MAP9: variants seen among roughly 807,000 people sequenced by gnomAD.
The protein encoded by MAP9 is microtubule associated protein 9.
A neutral mutation model predicts 75.2 loss-of-function variants in MAP9; 80 were observed. The observed-to-expected ratio is 1.06, with a 90% CI of 0.89 to 1.28. MAP9 has a LOEUF of 1.28. Among genes scored for constraint, MAP9 ranks in the 50% most tolerant of loss-of-function variants. MAP9 has a pLI of 0.00. For missense variants in MAP9, 753 were observed against 719.9 expected (o/e 1.05, Z -0.53); for synonymous variants, 235 against 237.3 (o/e 0.99, Z 0.09).
chr4:155,347,727 C>A lies in MAP9; in HGVS notation c.*56G>T, dbSNP rs1461415637. The A allele has an allele frequency of 1.3e-6, 2 of 1,495,976 alleles. No individual in the cohort carries two copies. Among genetic ancestry groups the A allele is most frequent in the East Asian group, 4.7e-5 (2 of 42,880 alleles). The allele number at this position is 1,495,976 out of a possible 1,614,324, so 92.7% of individuals were successfully genotyped here. The stretch of plus-strand genomic sequence containing the variant: ...TATAAATAATTGAATGGTTTTAAAT[C>A]TATGGCTAATATTGGCAAACCGATA... On this transcript the variant is annotated 3_prime_UTR_variant, in exon 14 of 14. Transcript: ENST00000311277.
Position 155,360,446 on chromosome 4 carries a change from C to T in MAP9, c.803-31G>A, listed in dbSNP as rs1405135564. On this transcript the variant is annotated intron_variant, in intron 6 of 13. Coordinates refer to ENST00000311277, the MANE Select transcript of MAP9 (RefSeq NM_001039580.2). ...TTGAGACAGAGTAATAGCATTAAAA[C>T]CCCCTTCTGAATTAATAAGGTAAAT... The T allele has an allele frequency of 4.4e-6, 7 of 1,581,452 alleles. No homozygotes were observed. The Admixed American group carries it at 8.6e-5, about 20-fold the overall frequency.
intron 13 of MAP9, among the ~76,000 whole-genome samples, chr4:155,348,493 A>G (rs1178533992): frequency 2.6e-5 from 4 of 152,176 alleles, no homozygotes; most frequent in Non-Finnish European, 5.9e-5. Context: ...TTATAACTCA[A>G]ATATAGTAAC....
chr4:155,357,132 C>T lies in MAP9; in HGVS notation c.1121+317G>A, dbSNP rs115871977. 8.7e-3 allele frequency: 2,227 copies of T among 256,104 alleles called. 49 individuals are homozygous for T. Among genetic ancestry groups the T allele is most frequent in the African/African-American group, 0.048 (2,067 of 43,160 alleles). The allele number at this position is 256,104 out of a possible 1,614,324, so 15.9% of individuals were successfully genotyped here. The stretch of plus-strand genomic sequence containing the variant: ...GCTCTATTCCAGAAGCAGTCTGGAG[C>T]ACAAAGAATCCCTAATCACTGACAT... On this transcript the variant is annotated intron_variant, in intron 8 of 13. Transcript: ENST00000311277.
intron 3 of MAP9, among the ~76,000 whole-genome samples, chr4:155,374,468 A>C (rs1732747452): frequency 6.6e-6 from 1 of 152,234 alleles, no homozygotes; most frequent in African/African-American, 2.4e-5. Flanking sequence ...ATGAAACACG[A>C]AGAGTCTGTG....
rs1341101557 is a variant in MAP9 at position 155,343,592 on chromosome 4, A to C, written c.*4191T>G. ...TATTTTATCCTTAGCCCACAAATAA[A>C]ACTCACACCACATTTCCTAACACTA... On this transcript the variant is annotated 3_prime_UTR_variant, in exon 14 of 14. Coordinates refer to ENST00000311277, the MANE Select transcript of MAP9 (RefSeq NM_001039580.2). 1 of 151,852 alleles carries C rather than the reference A, an allele frequency of 6.6e-6. No individual in the cohort carries two copies. Among genetic ancestry groups the C allele is most frequent in the Non-Finnish European group, 1.5e-5 (1 of 67,812 alleles). 9.4% of individuals were successfully genotyped at this position (151,852 alleles called of 1,614,324 possible). A position where few individuals can be genotyped will look rare whatever the true frequency, so the allele number is the denominator to read the frequency against.
At chr4:155,359,996 A>G (rs1053308964) in intron 7 of MAP9, among the ~76,000 whole-genome samples, 172 bp downstream of exon 7, 1 of 152,088 alleles carries the variant, frequency 6.6e-6, no homozygotes, top group African/African-American at 2.4e-5. Context: ...AACTTTCCTT[A>G]AAGTTAAATT....
intron 4 of MAP9, 53 bp from the exon 5 acceptor site, chr4:155,368,865 T>C: frequency 1.4e-6 from 2 of 1,441,322 alleles, no homozygotes; most frequent in East Asian, 2.3e-5. Context: ...CATGGCTTTA[T>C]CTATCTCTCT....
chr4:155,348,288 G>A (rs958459754), intron 13 of MAP9, among the ~76,000 whole-genome samples: 1 of 152,034 alleles, frequency 6.6e-6, no homozygotes, highest in African/African-American at 2.4e-5. Flanking sequence ...AGTGAGCCGA[G>A]ATTGCACCAC....
chr4:155,350,087 T>C lies in MAP9; in HGVS notation c.1822-2182A>G, dbSNP rs1187804180. ...ATTGGCAAGAAAAATATTTTAGTCT[T>C]ACCTGATCTTTGGCTATTAACTTTC... On this transcript the variant is annotated intron_variant, in intron 13 of 13. Coordinates refer to ENST00000311277, the MANE Select transcript of MAP9 (RefSeq NM_001039580.2). 2.3e-5 allele frequency: 6 copies of C among 265,934 alleles called. No homozygotes were observed. In the East Asian group the frequency reaches 7.1e-4, roughly 31 times the overall value. The allele number at this position is 265,934 out of a possible 1,614,324, so 16.5% of individuals were successfully genotyped here. A position where few individuals can be genotyped will look rare whatever the true frequency, so the allele number is the denominator to read the frequency against.
chr4:155,357,403 G>T, intron 8 of MAP9, 46 bp downstream of exon 8: 2 of 1,122,574 alleles, frequency 1.8e-6, no homozygotes, highest in Non-Finnish European at 1.4e-6. Context: ...AACTAGCTTT[G>T]CTAGAATGCA....
Position 155,347,790 on chromosome 4 carries a change from A to G in MAP9, c.1937T>C (p.Val646Ala). Reference sequence around the variant, plus strand: ...ATGTAAGAACTAGAATTATCAAAACACTTTTGCGAACACAGTTCTGCTTGG... The same window carrying G: ...ATGTAAGAACTAGAATTATCAAAACGCTTTTGCGAACACAGTTCTGCTTGG... The part of the protein sequence containing the change: ...SPPSRTVFAK[V>A]F Residue 646 changes from valine (V) to alanine (A), a missense_variant, in exon 14 of 14, where the codon GTG (valine) becomes GCG (alanine). Val to Ala is a moderately conservative substitution (Grantham distance 64). Transcript: ENST00000311277. The G allele has an allele frequency of 6.3e-7, 1 of 1,596,326 alleles. No homozygotes were observed. The highest frequency in any genetic ancestry group is 1.4e-5 in the African/African-American group (1 of 73,994).
chr4:155,360,086 T>C, intron 7 of MAP9, 82 bp downstream of exon 7: 1 of 1,295,426 alleles, frequency 7.7e-7, no homozygotes, highest in African/African-American at 1.5e-5. Flanking sequence ...TTCAGAAGTA[T>C]ATAACACAGA....
intron 12 of MAP9, 48 bp downstream of exon 12, chr4:155,352,864 T>G: frequency 2.1e-6 from 3 of 1,438,630 alleles, no homozygotes; most frequent in Non-Finnish European, 2.8e-6. Flanking sequence ...AATCCTGAAG[T>G]GTTACTATAA....
rs1447648095 is a variant in MAP9, at chr4:155,359,448, G to A, written c.1050+720C>T. 2.0e-5 allele frequency among the ~76,000 whole-genome samples: 3 copies of A among 151,918 alleles called. No individual in the cohort carries two copies. The East Asian group carries it at 5.8e-4, about 29-fold the overall frequency. On this transcript the variant is annotated intron_variant, in intron 7 of 13. Transcript: ENST00000311277. Reference sequence around the variant, plus strand: ...ATAATGGAGACTAGGAAAGGTGAGAGGGAGGTGCGGGATGAGAAATTACTT... The same window carrying A: ...ATAATGGAGACTAGGAAAGGTGAGAAGGAGGTGCGGGATGAGAAATTACTT...
intron 13 of MAP9, 157 bp downstream of exon 13, chr4:155,352,439 A>T: frequency 2.9e-6 from 2 of 680,814 alleles, no homozygotes; most frequent in Non-Finnish European, 4.8e-6. Context: ...AAGTCAAAGA[A>T]AATATGCTAT....
At chr4:155,374,569 T>C (rs2111296353) in intron 3 of MAP9, among the ~76,000 whole-genome samples, 1 of 152,304 alleles carries the variant, frequency 6.6e-6, no homozygotes, top group Middle Eastern at 3.4e-3. Flanking sequence ...GAAGTTTAGT[T>C]CTGTGGGACT....
chr4:155,362,263 G>C (rs1732120126), intron 5 of MAP9, 122 bp from the exon 6 acceptor site: 1 of 625,992 alleles, frequency 1.6e-6, no homozygotes, highest in African/African-American at 1.9e-5. Context: ...GCATTATTTA[G>C]GCATTTGTTG....
chr4:155,347,879 A>C lies in MAP9; in HGVS notation c.1848T>G (p.Ile616Met). Residue 616 changes from isoleucine (I) to methionine (M), a missense_variant, in exon 14 of 14, where the codon ATT becomes ATG. Ile to Met is a conservative substitution (Grantham distance 10). Coordinates refer to ENST00000311277, the MANE Select transcript of MAP9 (RefSeq NM_001039580.2). ...AATGACGTTTCTTCTGTTTTCGTTC[A>C]ATTCTTTCTTGTTTTTCCTTATTTT... is the stretch of plus-strand genomic sequence containing the variant. ...WLENKEKQERIERKQKKRHSF... is the reference protein window; with the variant it reads ...WLENKEKQERMERKQKKRHSF... The C allele has an allele frequency of 2.6e-6, 4 of 1,563,512 alleles. No individual in the cohort carries two copies. Among genetic ancestry groups the C allele is most frequent in the Non-Finnish European group, 3.5e-6 (4 of 1,141,538 alleles).
chr4:155,361,158 C>G (rs1360344308), intron 6 of MAP9: 3 of 152,050 alleles, frequency 2.0e-5, no homozygotes, highest in African/African-American at 7.2e-5. Flanking sequence ...AGTCTTAATT[C>G]TGTTGGTTTC....
Sources: allele counts gnomAD v4.1 joint callset (sites outside exome capture counted in the v4.1 genomes callset), GRCh38; gene constraint gnomAD v4.1.1; transcripts MANE v1.5; gene names NCBI Gene and HGNC (gene_info 2026-07-23, HGNC 2026-07-21).